PDZD2: variants seen among roughly 807,000 people sequenced by gnomAD.
The protein encoded by PDZD2 is PDZ domain-containing protein 2.
In PDZD2, 90 loss-of-function variants were observed where a neutral mutation model predicts 220.7. The ratio of observed to expected loss-of-function variants is 0.41; its 90% CI spans 0.34 to 0.49. PDZD2 has a LOEUF of 0.49. Among genes scored for constraint, PDZD2 ranks in the 20% least tolerant of loss-of-function variants. PDZD2 has a pLI of 0.28. For synonymous variants in PDZD2, 1,375 were observed against 1,450.5 expected (o/e 0.95, Z 1.18); for missense variants, 3,174 against 3,608.5 (o/e 0.88, Z 3.08).
chr5:31,716,518 G>GA (rs1748452739), intron 1 of PDZD2, among the ~76,000 whole-genome samples: 1 of 152,134 alleles, frequency 6.6e-6, no homozygotes, highest in African/African-American at 2.4e-5. Context: ...GCAGTTTGTT[G>GA]TAGGCCAGGC....
chr5:31,859,213 A>G (rs1376007596), intron 2 of PDZD2, among the ~76,000 whole-genome samples: 1 of 152,092 alleles, frequency 6.6e-6, no homozygotes, highest in Non-Finnish European at 1.5e-5. Context: ...TCAAATTTTC[A>G]GAGAGACTGA....
At chr5:32,078,808 GAAAAA>G (rs35649688) in intron 19 of PDZD2, among the ~76,000 whole-genome samples, 1 of 144,496 alleles carries the variant, frequency 6.9e-6, no homozygotes, top group African/African-American at 2.5e-5. Context: ...CAATCTCTGG[GAAAAA>G]AAAAAAAGTG....
intron 20 of PDZD2, among the ~76,000 whole-genome samples, chr5:32,091,426 A>G (rs539063527): frequency 8.4e-4 from 127 of 151,748 alleles, no homozygotes; most frequent in African/African-American, 2.9e-3. Context: ...CTGGGATTAC[A>G]GGCGTGCACC....
intron 1 of PDZD2, among the ~76,000 whole-genome samples, chr5:31,745,074 A>C (rs571145467): frequency 6.6e-6 from 1 of 150,744 alleles, no homozygotes; most frequent in East Asian, 1.9e-4. Context: ...CTCCGTCTCA[A>C]AAAAAATAAA....
chr5:31,761,978 G>A (rs996007673), intron 1 of PDZD2, among the ~76,000 whole-genome samples: 35 of 152,116 alleles, frequency 2.3e-4, no homozygotes, highest in African/African-American at 8.2e-4. Flanking sequence ...GGGTGAAGGA[G>A]AAGCCAGCAC....
chr5:32,064,695 C>T (rs930647905), intron 14 of PDZD2, among the ~76,000 whole-genome samples: 28 of 152,100 alleles, frequency 1.8e-4, no homozygotes, highest in Admixed American at 6.5e-5. Flanking sequence ...AGGGCGGGTG[C>T]GGTCGCTCAC....
chr5:31,811,651 G>A (rs1182135574), intron 2 of PDZD2, among the ~76,000 whole-genome samples: 2 of 152,088 alleles, frequency 1.3e-5, no homozygotes, highest in Non-Finnish European at 2.9e-5. Flanking sequence ...TTCCTGAAAG[G>A]AGGCCTGAAC....
At chr5:31,981,909 G>C (rs1185577150) in intron 2 of PDZD2, among the ~76,000 whole-genome samples, 1 of 152,150 alleles carries the variant, frequency 6.6e-6, no homozygotes, top group East Asian at 1.9e-4. Context: ...TTCATTTGAT[G>C]TTGTATTTTC....
intron 2 of PDZD2, among the ~76,000 whole-genome samples, chr5:31,955,297 T>G (rs973038209): frequency 4.6e-5 from 7 of 151,778 alleles, no homozygotes; most frequent in African/African-American, 1.7e-4. Flanking sequence ...GGGTTTTTTT[T>G]TTTGTTTTGT....
rs1225669419 is a variant in PDZD2 at position 31,739,444 on chromosome 5, G to A, written c.-360-59445G>A. Among the ~76,000 whole-genome samples, 6 of 152,102 alleles carry A rather than the reference G, an allele frequency of 3.9e-5. No individual in the cohort carries two copies. The East Asian group carries it at 1.2e-3, about 29-fold the overall frequency. On this transcript the variant is annotated intron_variant, in intron 1 of 24. Transcript: ENST00000438447. ...AAATTATGTTGATCCATTTGTTGTA[G>A]TATTATATAGTTATTAAAATGTCAG...
At chr5:31,779,271 T>C (rs16901556) in intron 1 of PDZD2, among the ~76,000 whole-genome samples, 3,704 of 152,134 alleles carry the variant, frequency 0.024, 163 homozygotes, top group African/African-American at 0.081. Context: ...TCCACAGGAC[T>C]GGGCTTGTGT....
chr5:31,747,312 C>T (rs1750660929), intron 1 of PDZD2, among the ~76,000 whole-genome samples: 2 of 152,064 alleles, frequency 1.3e-5, no homozygotes, highest in African/African-American at 4.8e-5. Context: ...TAGAATTGGA[C>T]AAAGGGGGTA....
intron 2 of PDZD2, among the ~76,000 whole-genome samples, chr5:31,836,773 C>A (rs1394310028): frequency 6.6e-6 from 1 of 152,006 alleles, no homozygotes; most frequent in Non-Finnish European, 1.5e-5. Flanking sequence ...AATCCCAGGA[C>A]TTTGGGAGGC....
chr5:31,923,800 T>A (rs963341381), intron 2 of PDZD2, among the ~76,000 whole-genome samples: 1 of 152,210 alleles, frequency 6.6e-6, no homozygotes, highest in Non-Finnish European at 1.5e-5. Context: ...GAATGCACAC[T>A]CTGTACAGGT....
At chr5:31,737,330 G>A (rs867625743) in intron 1 of PDZD2, among the ~76,000 whole-genome samples, 85 of 151,628 alleles carry the variant, frequency 5.6e-4, no homozygotes, top group South Asian at 2.1e-3. Context: ...CCACCACCAC[G>A]CCCAGCTAAT....
At chr5:31,939,855 C>G (rs972576114) in intron 2 of PDZD2, among the ~76,000 whole-genome samples, 2 of 152,122 alleles carry the variant, frequency 1.3e-5, no homozygotes, top group African/African-American at 4.8e-5. Flanking sequence ...AATCAAAGAC[C>G]AAGCCAGACG....
At chr5:31,974,282 G>A (rs533147415) in intron 2 of PDZD2, among the ~76,000 whole-genome samples, 185 of 152,216 alleles carry the variant, frequency 1.2e-3, no homozygotes, top group Non-Finnish European at 1.9e-3. Context: ...CACCCAGCTG[G>A]CTGCAGTGAG....
intron 1 of PDZD2, among the ~76,000 whole-genome samples, chr5:31,676,482 G>A (rs1746423655): frequency 6.6e-6 from 1 of 152,132 alleles, no homozygotes; most frequent in Admixed American, 6.5e-5. Flanking sequence ...GAGATTGTGG[G>A]GAGGGCAGGA....
At chr5:31,674,598 G>A (rs1267788408) in intron 1 of PDZD2, among the ~76,000 whole-genome samples, 3 of 152,224 alleles carry the variant, frequency 2.0e-5, no homozygotes, top group Admixed American at 2.0e-4. Context: ...TTGGGTGGTG[G>A]CTGTAGGAGG....
Sources: gnomAD v4.1 joint callset for allele counts (sites outside exome capture counted in the v4.1 genomes callset) on GRCh38, gnomAD v4.1.1 for gene constraint, MANE v1.5 for transcripts, NCBI Gene and HGNC (gene_info 2026-07-23, HGNC 2026-07-21) for gene names.